Variants in PHLPP2 observed in about 807,000 individuals in gnomAD.
PHLPP2 encodes PH domain leucine-rich repeat-containing protein phosphatase 2.
A neutral mutation model predicts 124.9 loss-of-function variants in PHLPP2; 66 were observed. The observed-to-expected ratio is 0.53, with a 90% CI of 0.43 to 0.65. PHLPP2 has a LOEUF of 0.65. Among genes scored for constraint, PHLPP2 ranks in the 30% least tolerant of loss-of-function variants. The pLI is 0.00. For synonymous variants in PHLPP2, 681 were observed against 624.7 expected (o/e 1.09, Z -1.34); for missense variants, 1,685 against 1,600.4 (o/e 1.05, Z -0.90).
Position 71,702,693 on chromosome 16 carries a change from T to C in PHLPP2, c.323A>G (p.Tyr108Cys), listed in dbSNP as rs1567627005. The C allele has an allele frequency of 6.2e-7, 1 of 1,611,196 alleles. No homozygotes were observed. Among genetic ancestry groups the C allele is most frequent in the Non-Finnish European group, 8.5e-7 (1 of 1,178,368 alleles). Residue 108 changes from tyrosine (Y) to cysteine (C), a missense_variant, in exon 3 of 19, where the codon TAT (tyrosine) becomes TGT (cysteine). Physicochemically the swap from Tyr to Cys is radical, Grantham distance 194 (BLOSUM62 -2). Transcript: ENST00000568954. Reference protein sequence around the residue: ...EPTERPLQIVYDYLSRLGFDD... With the variant: ...EPTERPLQIVCDYLSRLGFDD... ...AAATCCCAGCCTGGATAAGTAATCATAAACGATCTGAAGAGGTCGTTCAGT... is the reference window on the plus strand; with the variant it reads ...AAATCCCAGCCTGGATAAGTAATCACAAACGATCTGAAGAGGTCGTTCAGT...
intron 13 of PHLPP2, among the ~76,000 whole-genome samples, chr16:71,661,853 T>C (rs1178394046): frequency 6.6e-6 from 1 of 151,930 alleles, no homozygotes; most frequent in African/African-American, 2.4e-5. Flanking sequence ...AGATGGAGTC[T>C]TGCTCCGTTG....
chr16:71,712,832 G>C (rs557375390), intron 2 of PHLPP2, among the ~76,000 whole-genome samples: 1 of 152,258 alleles, frequency 6.6e-6, no homozygotes, highest in South Asian at 2.1e-4. Flanking sequence ...AGGTGTAAGT[G>C]GGAGCTTCCT....
intron 8 of PHLPP2, chr16:71,677,178 C>CAAATTAAT (rs1237138153): frequency 6.4e-6 from 1 of 156,230 alleles, no homozygotes; most frequent in African/African-American, 2.4e-5. Context: ...AATACGTATA[C>CAAATTAAT]AAATTAATAA....
chr16:71,681,335 C>T (rs539973061), intron 6 of PHLPP2, among the ~76,000 whole-genome samples: 4 of 152,238 alleles, frequency 2.6e-5, no homozygotes, highest in African/African-American at 9.6e-5. Context: ...TGACTAAACG[C>T]ATAAGAGTTG....
chr16:71,690,437 C>T, intron 4 of PHLPP2, 82 bp downstream of exon 4: 5 of 979,818 alleles, frequency 5.1e-6, no homozygotes, highest in Middle Eastern at 6.7e-4. Context: ...AAAGATATGA[C>T]TAAAAGCTAT....
chr16:71,676,394 A>C, intron 9 of PHLPP2, 53 bp downstream of exon 9: 9 of 1,409,890 alleles, frequency 6.4e-6, no homozygotes, highest in Non-Finnish European at 9.0e-6. Context: ...GTTCTCAGAA[A>C]GCACTGACAA....
At position 71,652,862 on chromosome 16, in the gene PHLPP2, A is replaced by G; in HGVS notation, c.2745T>C (p.Ser915=). ...GGTCCTGCTCCAGGCTGAAGACTTT[A>G]GAGAGGGGCACTGGCTTCCCACCTC... ...LCRGGKPVPL[S]KVFSLEQDPE... Residue 915 remains serine, a synonymous_variant, in exon 18 of 19, where the codon TCT becomes TCC. Transcript: ENST00000568954. 1.2e-6 allele frequency: 2 copies of G among 1,614,106 alleles called. No individual in the cohort carries two copies. The highest frequency in any genetic ancestry group is 1.3e-5 in the African/African-American group (1 of 75,020).
chr16:71,650,633 T>TA (rs1266851015), intron 18 of PHLPP2, among the ~76,000 whole-genome samples: 1 of 152,156 alleles, frequency 6.6e-6, no homozygotes, highest in Admixed American at 6.5e-5. Flanking sequence ...ATTCAAAACT[T>TA]AGAGGAAACA....
intron 3 of PHLPP2, among the ~76,000 whole-genome samples, chr16:71,701,608 G>A (rs1049295860): frequency 7.9e-5 from 12 of 152,066 alleles, no homozygotes; most frequent in Non-Finnish European, 1.8e-4. Flanking sequence ...GAAAAGTAGG[G>A]GCATCAGAGC....
At chr16:71,720,049 G>A (rs1341311448) in intron 1 of PHLPP2, among the ~76,000 whole-genome samples, 13 of 140,514 alleles carry the variant, frequency 9.3e-5, no homozygotes, top group African/African-American at 3.5e-4. Context: ...GCTCACTGCA[G>A]GCTCCGCCCC....
Position 71,649,233 on chromosome 16 carries a change from C to G in PHLPP2, c.3629G>C (p.Ser1210Thr). The G allele has an allele frequency of 1.9e-6, 3 of 1,614,004 alleles. No homozygotes were observed. Among genetic ancestry groups the G allele is most frequent in the Non-Finnish European group, 2.5e-6 (3 of 1,179,948 alleles). ...GSCFGIRRQNSVNSGMLLPMS... is the reference protein window; with the variant it reads ...GSCFGIRRQNTVNSGMLLPMS... ...TGGCAGGAGCATGCCACTATTCACACTGTTCTGTCTTCGGATCCCAAAACA... is the reference window on the plus strand; with the variant it reads ...TGGCAGGAGCATGCCACTATTCACAGTGTTCTGTCTTCGGATCCCAAAACA... Residue 1210 changes from serine to threonine, a missense_variant, in exon 19 of 19, where the codon AGT becomes ACT. Transcript: ENST00000568954.
Position 71,721,614 on chromosome 16 carries a change from AT to A in PHLPP2, c.-7+2714del, listed in dbSNP as rs200789528. Among the ~76,000 whole-genome samples the A allele has an allele frequency of 6.7e-3, 1,020 of 152,020 alleles. 16 individuals are homozygous for A. Among genetic ancestry groups the A allele is most frequent in the African/African-American group, 0.023 (961 of 41,434 alleles). ...TGTCTCTAAAAAAAAATCTTTTTAA[AT>A]TTTTTTTGGCATTAATTGTTTATAC... On this transcript the variant is annotated intron_variant, in intron 1 of 18. Transcript: ENST00000568954.
chr16:71,680,216 C>G (rs4788549), intron 6 of PHLPP2, among the ~76,000 whole-genome samples: 52,607 of 152,074 alleles, frequency 0.35, 9,915 homozygotes, highest in East Asian at 0.76. Flanking sequence ...TATACAAAAT[C>G]CTTGCAAGAA....
chr16:71,679,609 G>A lies in PHLPP2; in HGVS notation c.891-74C>T, dbSNP rs191612079. On this transcript the variant is annotated intron_variant, in intron 6 of 18. Coordinates refer to ENST00000568954, the MANE Select transcript of PHLPP2 (RefSeq NM_015020.3). ...CTGTATCTTTACAAGGGACATCAAC[G>A]GCCTTTGATATCTATTTTAAATGTC... 82 of 1,226,792 alleles carry A rather than the reference G, an allele frequency of 6.7e-5. No individual in the cohort carries two copies. The African/African-American group carries it at 8.6e-4, about 13-fold the overall frequency. The allele number at this position is 1,226,792 out of a possible 1,614,324, so 76.0% of individuals were successfully genotyped here.
Position 71,667,305 on chromosome 16 carries a change from G to A in PHLPP2, c.1657C>T (p.Leu553=). The change falls in exon 12 of 19, where the codon CTG becomes TTG. Residue 553 remains leucine (L), a synonymous_variant. Transcript: ENST00000568954. ...RILSSLSLRK[L]MLGHNHVQNL... The stretch of plus-strand genomic sequence containing the variant: ...TGCACATGATTGTGTCCCAGCATCA[G>A]TTTTCTAAGACTCAAGCTACTCAGA... 1.2e-6 allele frequency: 2 copies of A among 1,613,410 alleles called. No individual in the cohort carries two copies. Among genetic ancestry groups the A allele is most frequent in the Non-Finnish European group, 1.7e-6 (2 of 1,179,580 alleles).
intron 3 of PHLPP2, among the ~76,000 whole-genome samples, chr16:71,698,887 G>C (rs894636165): frequency 6.6e-6 from 1 of 152,078 alleles, no homozygotes; most frequent in Non-Finnish European, 1.5e-5. Context: ...TGGCTGACTG[G>C]GACACTACCC....
intron 3 of PHLPP2, among the ~76,000 whole-genome samples, chr16:71,692,359 G>A (rs1291874856): frequency 2.0e-5 from 3 of 152,100 alleles, no homozygotes; most frequent in Non-Finnish European, 2.9e-5. Flanking sequence ...GTGAGCCACC[G>A]CACCTGGCCA....
intron 2 of PHLPP2, among the ~76,000 whole-genome samples, chr16:71,703,971 G>A (rs180672955): frequency 7.2e-4 from 110 of 152,212 alleles, no homozygotes; most frequent in Middle Eastern, 3.4e-3. Context: ...AGGAAAGTCC[G>A]TATGTGTTCA....
At chr16:71,681,963 C>T in intron 5 of PHLPP2, 58 bp from the exon 6 acceptor site, 1 of 1,253,568 alleles carries the variant, frequency 8.0e-7, no homozygotes, top group Non-Finnish European at 1.1e-6. Flanking sequence ...TATCACCCAG[C>T]AAAGAATGGA....
Sources: gnomAD v4.1 joint callset for allele counts (sites outside exome capture counted in the v4.1 genomes callset) on GRCh38, gnomAD v4.1.1 for gene constraint, MANE v1.5 for transcripts, NCBI Gene and HGNC (gene_info 2026-07-23, HGNC 2026-07-21) for gene names.